CBR4: variants seen among roughly 807,000 people sequenced by gnomAD.
The protein encoded by CBR4 is carbonyl reductase 4, also known as 3-oxoacyl-[acyl-carrier-protein] reductase.
A neutral mutation model predicts 21.0 loss-of-function variants in CBR4; 22 were observed. That is an observed-to-expected ratio of 1.05 (90% confidence interval 0.75 to 1.50). CBR4 has a LOEUF of 1.50. CBR4 is among the 40% of genes most tolerant of loss of function. The pLI, the probability that CBR4 is intolerant of heterozygous loss-of-function variation, is 0.00. For missense variants in CBR4, 302 were observed against 286.3 expected (o/e 1.05, Z -0.40); for synonymous variants, 100 against 104.4 (o/e 0.96, Z 0.26).
At chr4:168,927,522 G>T (rs1762713151) in intron 2 of CBR4, 2 of 231,708 alleles carry the variant, frequency 8.6e-6, no homozygotes, top group East Asian at 1.2e-4. Context: ...ATGAGAAATT[G>T]CCTGTAGCAT....
At chr4:168,910,138 T>C (rs1469441579) in intron 2 of CBR4, among the ~76,000 whole-genome samples, 3 of 152,048 alleles carry the variant, frequency 2.0e-5, no homozygotes, top group Non-Finnish European at 4.4e-5. Context: ...TTTGTATATA[T>C]GGTTCTAAGC....
At chr4:168,904,057 G>A (rs959656488) in intron 2 of CBR4, 3 of 744,132 alleles carry the variant, frequency 4.0e-6, no homozygotes, top group Non-Finnish European at 6.9e-6. Flanking sequence ...TGGTTTCAGA[G>A]GATAGAAAAA....
Position 169,010,221 on chromosome 4 carries a change from A to G in CBR4, c.-132T>C. 1.3e-6 allele frequency: 1 copy of G among 778,540 alleles called. No individual in the cohort carries two copies. The highest frequency in any genetic ancestry group is 2.0e-6 in the Non-Finnish European group (1 of 511,152). 48.2% of individuals were successfully genotyped at this position (778,540 alleles called of 1,614,324 possible). The stretch of plus-strand genomic sequence containing the variant: ...AAAAGGCAAACCGCAAAAAAAAATA[A>G]CGCCGCTCGACACCTCCTGCAGCCG... On this transcript the variant is annotated 5_prime_UTR_variant, in exon 1 of 5. Coordinates refer to ENST00000306193, the MANE Select transcript of CBR4 (RefSeq NM_032783.5).
chr4:168,980,808 C>G (rs1466195250), intron 2 of CBR4, among the ~76,000 whole-genome samples: 1 of 152,182 alleles, frequency 6.6e-6, no homozygotes, highest in Non-Finnish European at 1.5e-5. Context: ...CAAGTGACTA[C>G]AGTCAAGTTA....
At chr4:168,951,279 G>A (rs1003983008) in intron 2 of CBR4, among the ~76,000 whole-genome samples, 36 of 152,162 alleles carry the variant, frequency 2.4e-4, no homozygotes, top group African/African-American at 8.2e-4. Flanking sequence ...CAATGGTCTC[G>A]ATCTCTTGAC....
chr4:168,924,569 C>A, intron 2 of CBR4: 1 of 823,350 alleles, frequency 1.2e-6, no homozygotes, highest in Non-Finnish European at 2.0e-6. Flanking sequence ...AAAAACCATG[C>A]GTTACCCAAT....
intron 4 of CBR4, among the ~76,000 whole-genome samples, chr4:168,996,630 C>A (rs1238111057): frequency 5.3e-5 from 8 of 152,128 alleles, no homozygotes; most frequent in South Asian, 2.1e-4. Context: ...CAGGTTTGGA[C>A]AAATGCATAA....
At chr4:168,937,287 G>A (rs1465167072) in intron 2 of CBR4, among the ~76,000 whole-genome samples, 2 of 152,124 alleles carry the variant, frequency 1.3e-5, no homozygotes, top group Non-Finnish European at 2.9e-5. Context: ...CACCAGGCCT[G>A]ACTTACAAGA....
chr4:168,918,325 G>GATATATAT (rs71588177), intron 2 of CBR4, among the ~76,000 whole-genome samples: 5,324 of 149,374 alleles, frequency 0.036, 115 homozygotes, highest in Non-Finnish European at 0.049. Flanking sequence ...GAAAATATGA[G>GATATATAT]ATATATATAT....
chr4:168,919,564 T>C (rs1003925218), intron 2 of CBR4, among the ~76,000 whole-genome samples: 4 of 146,124 alleles, frequency 2.7e-5, no homozygotes, highest in African/African-American at 1.0e-4. Flanking sequence ...CATGTACAGA[T>C]AGATCAGGAA....
intron 2 of CBR4, among the ~76,000 whole-genome samples, chr4:168,947,119 G>A (rs985947144): frequency 6.6e-6 from 1 of 151,802 alleles, no homozygotes; most frequent in Non-Finnish European, 1.5e-5. Context: ...TCGTGCCCCT[G>A]TCATGTTTTT....
intron 2 of CBR4, among the ~76,000 whole-genome samples, chr4:168,947,036 T>A (rs1763412846): frequency 6.6e-6 from 1 of 152,170 alleles, no homozygotes; most frequent in South Asian, 2.1e-4. Flanking sequence ...CTTGAAATTA[T>A]CATCCTCAAG....
At chr4:168,993,054 T>C (rs1765000458) in intron 4 of CBR4, among the ~76,000 whole-genome samples, 1 of 152,166 alleles carries the variant, frequency 6.6e-6, no homozygotes, top group Non-Finnish European at 1.5e-5. Context: ...AACACAGATA[T>C]TGATACTAGC....
rs756657184 is a variant in CBR4 at position 169,006,738 on chromosome 4, C to A, written c.400+17G>T. On this transcript the variant is annotated intron_variant, in intron 3 of 4. Coordinates refer to ENST00000306193, the MANE Select transcript of CBR4 (RefSeq NM_032783.5). ...GTATTATGGGATAATCATAAATTCA[C>A]AAAGGTGAAGACTCACCTACATTAA... The A allele has an allele frequency of 3.1e-6, 5 of 1,599,254 alleles. No individual in the cohort carries two copies. In the African/African-American group the frequency reaches 6.7e-5, roughly 21 times the overall value.
At chr4:168,959,238 AT>A (rs969878544) in intron 2 of CBR4, among the ~76,000 whole-genome samples, 4 of 152,030 alleles carry the variant, frequency 2.6e-5, no homozygotes, top group African/African-American at 9.7e-5. Context: ...ATTAAGGTTC[AT>A]TTTTTTCACA....
chr4:168,992,978 T>C (rs747877672), intron 4 of CBR4, among the ~76,000 whole-genome samples: 3 of 152,218 alleles, frequency 2.0e-5, no homozygotes, highest in Non-Finnish European at 2.9e-5. Flanking sequence ...ATTTCCTTCA[T>C]ATCCTCTCAT....
downstream of CBR4, among the ~76,000 whole-genome samples, chr4:168,985,906 G>C (rs1416578909): frequency 6.6e-6 from 1 of 152,142 alleles, no homozygotes; most frequent in Non-Finnish European, 1.5e-5. Flanking sequence ...GGGCCTACTT[G>C]AAAGTGGAGG....
At chr4:168,973,009 C>T (rs1007509871) in intron 2 of CBR4, among the ~76,000 whole-genome samples, 1 of 152,144 alleles carries the variant, frequency 6.6e-6, no homozygotes, top group Non-Finnish European at 1.5e-5. Context: ...TTGTCAAATG[C>T]TTTTTCTGCA....
intron 2 of CBR4, among the ~76,000 whole-genome samples, chr4:168,961,940 C>CAGGAGAGGAGAGGAG (rs11267211): frequency 4.2e-4 from 56 of 133,652 alleles, no homozygotes; most frequent in Middle Eastern, 3.7e-3. Context: ...GAGGAGAGCA[C>CAGGAGAGGAGAGGAG]AGGAGAGGAG....
Sources: gnomAD v4.1 joint callset for allele counts (sites outside exome capture counted in the v4.1 genomes callset) on GRCh38, gnomAD v4.1.1 for gene constraint, MANE v1.5 for transcripts, NCBI Gene and HGNC (gene_info 2026-07-23, HGNC 2026-07-21) for gene names.